The following ANTXR1 variants were observed in gnomAD, a reference collection of about 807,000 sequenced individuals.
ANTXR1 encodes anthrax toxin receptor 1.
A neutral mutation model predicts 78.1 loss-of-function variants in ANTXR1; 19 were observed. The ratio of observed to expected loss-of-function variants is 0.24; its 90% CI spans 0.17 to 0.36. The LOEUF (loss-of-function observed/expected upper bound fraction) is 0.36. Ranked by LOEUF, ANTXR1 falls within the 10% of genes least tolerant of loss-of-function variation. The pLI, the probability that ANTXR1 is intolerant of heterozygous loss-of-function variation, is 1.00. For missense variants in ANTXR1, 518 were observed against 718.6 expected (o/e 0.72, Z 3.19); for synonymous variants, 273 against 260.5 (o/e 1.05, Z -0.46).
At chr2:69,043,535 TG>T in intron 2 of ANTXR1, among the ~76,000 whole-genome samples, 1 of 152,216 alleles carries the variant, frequency 6.6e-6, no homozygotes, top group Non-Finnish European at 1.5e-5. Context: ...AACTGAGATC[TG>T]TTTTAGGGAC....
intron 12 of ANTXR1, among the ~76,000 whole-genome samples, chr2:69,151,826 GC>G (rs1673406877): frequency 6.6e-6 from 1 of 152,244 alleles, no homozygotes; most frequent in Non-Finnish European, 1.5e-5. Flanking sequence ...CAGTGAGGAG[GC>G]TGTCACCAGG....
At chr2:69,150,813 G>A (rs540831363) in intron 12 of ANTXR1, among the ~76,000 whole-genome samples, 49 of 152,136 alleles carry the variant, frequency 3.2e-4, no homozygotes, top group Non-Finnish European at 2.9e-5. Flanking sequence ...GAGCCCAGGA[G>A]TTCAAGACAA....
chr2:69,182,368 CA>C, intron 15 of ANTXR1, 124 bp from the exon 16 acceptor site: 1 of 1,251,524 alleles, frequency 8.0e-7, no homozygotes, highest in Admixed American at 2.0e-5. Context: ...CCCTGGCCCT[CA>C]AAACCCAAAG....
intron 17 of ANTXR1, among the ~76,000 whole-genome samples, chr2:69,200,671 C>T (rs1483582829): frequency 2.6e-5 from 4 of 152,186 alleles, no homozygotes; most frequent in African/African-American, 9.7e-5. Flanking sequence ...AATTGCACTC[C>T]CACTAAGAAT....
At chr2:69,184,209 G>A (rs1055968187) in intron 16 of ANTXR1, among the ~76,000 whole-genome samples, 1 of 152,188 alleles carries the variant, frequency 6.6e-6, no homozygotes, top group Non-Finnish European at 1.5e-5. Flanking sequence ...GTAGCGAAAC[G>A]TTATTGGTGG....
chr2:69,146,022 A>G, intron 12 of ANTXR1: 1 of 985,506 alleles, frequency 1.0e-6, no homozygotes. Flanking sequence ...AATTAAAGAA[A>G]GCCATGATGC....
intron 17 of ANTXR1, among the ~76,000 whole-genome samples, chr2:69,243,330 T>G (rs73937219): frequency 0.047 from 7,113 of 152,262 alleles, 414 homozygotes; most frequent in African/African-American, 0.13. Context: ...GGCTGCAGCC[T>G]TCCAGAAGTT....
At chr2:69,145,359 G>C in intron 12 of ANTXR1, 1 of 1,599,844 alleles carries the variant, frequency 6.3e-7, no homozygotes, top group Non-Finnish European at 8.5e-7. Flanking sequence ...CCCCACAACA[G>C]CTGCTTGCAT....
At chr2:69,042,976 G>A (rs952082144) in intron 2 of ANTXR1, among the ~76,000 whole-genome samples, 5 of 152,124 alleles carry the variant, frequency 3.3e-5, no homozygotes, top group African/African-American at 7.2e-5. Flanking sequence ...CCTCCTCACT[G>A]CTGACACTCT....
intron 14 of ANTXR1, among the ~76,000 whole-genome samples, chr2:69,178,140 C>T (rs2104458513): frequency 6.6e-6 from 1 of 152,356 alleles, no homozygotes; most frequent in East Asian, 1.9e-4. Flanking sequence ...CCCTCCAGTG[C>T]TGCCGAGTTT....
intron 17 of ANTXR1, among the ~76,000 whole-genome samples, chr2:69,200,803 T>G (rs1360449728): frequency 1.3e-5 from 2 of 152,210 alleles, no homozygotes; most frequent in African/African-American, 2.4e-5. Flanking sequence ...ATGCACTGTA[T>G]GAACTGCAAA....
chr2:69,166,980 G>A (rs187621053), intron 13 of ANTXR1, among the ~76,000 whole-genome samples: 3 of 152,382 alleles, frequency 2.0e-5, no homozygotes, highest in Admixed American at 2.0e-4. Context: ...CAGGGGAGGT[G>A]CATTTACTGG....
chr2:69,099,829 A>G (rs1329859190), intron 9 of ANTXR1, among the ~76,000 whole-genome samples: 3 of 152,222 alleles, frequency 2.0e-5, no homozygotes, highest in African/African-American at 7.2e-5. Flanking sequence ...TATTTATTCA[A>G]TCACTCAATG....
At chr2:69,128,986 C>G (rs1672638745) in intron 12 of ANTXR1, among the ~76,000 whole-genome samples, 1 of 152,180 alleles carries the variant, frequency 6.6e-6, no homozygotes, top group Admixed American at 6.5e-5. Flanking sequence ...GAGCCAGAAG[C>G]AGAAATTCCA....
intron 12 of ANTXR1, among the ~76,000 whole-genome samples, chr2:69,138,199 T>C (rs1188534728): frequency 1.3e-5 from 2 of 151,038 alleles, no homozygotes; most frequent in Admixed American, 6.6e-5. Context: ...AGAGATTTAA[T>C]AGTTTGGGGA....
chr2:69,079,749 A>G (rs560152881), intron 8 of ANTXR1, among the ~76,000 whole-genome samples: 15 of 152,242 alleles, frequency 9.9e-5, no homozygotes, highest in Non-Finnish European at 1.8e-4. Context: ...CTGTAGGCCA[A>G]TTAGGAGGCA....
intron 2 of ANTXR1, 135 bp downstream of exon 2, chr2:69,040,250 A>G (rs1669574806): frequency 1.3e-6 from 1 of 760,592 alleles, no homozygotes; most frequent in Non-Finnish European, 2.3e-6. Flanking sequence ...ATCTCGGACC[A>G]GAGACTGTTT....
chr2:69,136,069 A>G (rs1294895050), intron 12 of ANTXR1, among the ~76,000 whole-genome samples: 2 of 152,192 alleles, frequency 1.3e-5, no homozygotes, highest in South Asian at 2.1e-4. Context: ...ATAATATATC[A>G]TGATATAATG....
chr2:69,105,921 A>G (rs983961371), intron 10 of ANTXR1, among the ~76,000 whole-genome samples: 3 of 152,250 alleles, frequency 2.0e-5, no homozygotes, highest in African/African-American at 7.2e-5. Context: ...ATAATGCAAT[A>G]GCAAGCTATA....
Sources: gnomAD v4.1 joint callset for allele counts (sites outside exome capture counted in the v4.1 genomes callset) on GRCh38, gnomAD v4.1.1 for gene constraint, MANE v1.5 for transcripts, NCBI Gene and HGNC (gene_info 2026-07-23, HGNC 2026-07-21) for gene names.